The following NEDD4L variants were observed in gnomAD, a reference collection of about 807,000 sequenced individuals.
NEDD4L encodes NEDD4 like E3 ubiquitin protein ligase, also known as E3 ubiquitin-protein ligase NEDD4-like.
A neutral mutation model predicts 148.9 loss-of-function variants in NEDD4L; 54 were observed. That is an observed-to-expected ratio of 0.36 (90% CI 0.29 to 0.45). The LOEUF (loss-of-function observed/expected upper bound fraction) is 0.45. Among genes scored for constraint, NEDD4L ranks in the 20% least tolerant of loss-of-function variants. The probability of loss-of-function intolerance (pLI) is 1.00; values close to 1 mark genes in which losing one functional copy is unlikely to be tolerated. For missense variants in NEDD4L, 856 were observed against 1,233.8 expected (o/e 0.69, Z 4.59); for synonymous variants, 433 against 440.7 (o/e 0.98, Z 0.22).
intron 1 of NEDD4L, chr18:58,045,824 T>C (rs1010870605): frequency 4.6e-5 from 7 of 152,252 alleles, no homozygotes; most frequent in African/African-American, 1.7e-4. Flanking sequence ...TCATGAAAAG[T>C]TGATGCCTGG....
chr18:58,258,242 T>C (rs2048861976), intron 5 of NEDD4L, among the ~76,000 whole-genome samples: 1 of 152,232 alleles, frequency 6.6e-6, no homozygotes, highest in South Asian at 2.1e-4. Flanking sequence ...AGTGTTTTGA[T>C]ATTATAGTAG....
intron 2 of NEDD4L, among the ~76,000 whole-genome samples, chr18:58,179,588 T>C (rs555775390): frequency 6.6e-6 from 1 of 152,242 alleles, no homozygotes; most frequent in Non-Finnish European, 1.5e-5. Context: ...ATCATTCGCA[T>C]TGCTGCCTGA....
In NEDD4L at chr18:58,108,050, A is replaced by G. The variant is rs573064662; in HGVS notation, c.49-57738A>G. ...GGACTTTTTGTGCGGTGAGAGGAGG[A>G]TCCTCAGAATACGGAGATCTGGGGT... On this transcript the variant is annotated intron_variant, in intron 1 of 30. Coordinates refer to ENST00000400345, the MANE Select transcript of NEDD4L (RefSeq NM_001144967.3). Among the ~76,000 whole-genome samples, 56 of 152,272 alleles carry G rather than the reference A, an allele frequency of 3.7e-4. No individual in the cohort carries two copies. In the South Asian group the frequency reaches 5.0e-3, roughly 14 times the overall value.
intron 2 of NEDD4L, among the ~76,000 whole-genome samples, chr18:58,232,218 G>T (rs138051999): frequency 5.9e-5 from 9 of 152,298 alleles, no homozygotes; most frequent in Middle Eastern, 3.4e-3. Context: ...TACAGAGCTT[G>T]CTCTGCACTC....
intron 5 of NEDD4L, chr18:58,255,959 T>A: frequency 8.1e-7 from 1 of 1,230,626 alleles, no homozygotes; most frequent in Non-Finnish European, 1.0e-6. Flanking sequence ...CACGGACGGG[T>A]GCGGGCCGCC....
chr18:58,075,729 C>T (rs2083122174), intron 1 of NEDD4L, among the ~76,000 whole-genome samples: 2 of 152,088 alleles, frequency 1.3e-5, no homozygotes, highest in African/African-American at 4.8e-5. Context: ...AGTTCGAGAC[C>T]AGCCTGGGCT....
At chr18:58,064,334 A>G (rs896174094) in intron 1 of NEDD4L, among the ~76,000 whole-genome samples, 47 of 152,372 alleles carry the variant, frequency 3.1e-4, no homozygotes, top group African/African-American at 1.1e-3. Context: ...CACCATAGCC[A>G]TCACTATAAC....
chr18:58,305,226 GT>G (rs2056928477), intron 5 of NEDD4L, among the ~76,000 whole-genome samples: 1 of 152,216 alleles, frequency 6.6e-6, no homozygotes, highest in East Asian at 1.9e-4. Context: ...TTTAGTATCA[GT>G]TTGCTGATCA....
At chr18:58,367,233 A>G (rs1320227144) in intron 21 of NEDD4L, 1 of 152,572 alleles carries the variant, frequency 6.6e-6, no homozygotes, top group Non-Finnish European at 1.5e-5. Flanking sequence ...GCAGGTTTGC[A>G]TCATTGAGAG....
chr18:58,325,502 T>C (rs1380448537), intron 9 of NEDD4L, among the ~76,000 whole-genome samples: 1 of 152,226 alleles, frequency 6.6e-6, no homozygotes, highest in East Asian at 1.9e-4. Flanking sequence ...TCTTCACCTT[T>C]CTCTCCCAAC....
rs370879103 is a variant in NEDD4L at position 58,103,356 on chromosome 18, T to C, written c.48+58648T>C. The stretch of plus-strand genomic sequence containing the variant: ...TGATATGCATGAGTTGCAATTACCA[T>C]GATTTAAATAATACCAGTTCCCCAA... On this transcript the variant is annotated intron_variant, in intron 1 of 30. Transcript: ENST00000400345. Among the ~76,000 whole-genome samples, 5 of 151,402 alleles carry C rather than the reference T, an allele frequency of 3.3e-5. No individual in the cohort carries two copies. The East Asian group carries it at 9.6e-4, about 29-fold the overall frequency.
Position 58,130,632 on chromosome 18 carries a change from T to G in NEDD4L, c.49-35156T>G, listed in dbSNP as rs544775752. Among the ~76,000 whole-genome samples the G allele has an allele frequency of 1.1e-3, 155 of 144,768 alleles. 11 individuals carry two copies. The highest frequency in any genetic ancestry group is 2.0e-3 in the Non-Finnish European group (131 of 66,178). The allele number at this position is 144,768 out of a possible 152,430, so 95.0% of individuals were successfully genotyped here. On this transcript the variant is annotated intron_variant, in intron 1 of 30. Coordinates refer to ENST00000400345, the MANE Select transcript of NEDD4L (RefSeq NM_001144967.3). ...TGATCTAGCAGAACTGTGGCGGTGT[T>G]GGGCTCTGTTGGGGTTTGGTTGACT...
intron 2 of NEDD4L, chr18:58,189,889 T>C (rs968511872): frequency 6.6e-6 from 1 of 152,194 alleles, no homozygotes; most frequent in African/African-American, 2.4e-5. Context: ...CTATTTCATA[T>C]CTTTATTGAA....
In NEDD4L at chr18:58,190,240, A is replaced by G. The variant is rs530832545; in HGVS notation, c.122+24379A>G. 2.0e-5 allele frequency among the ~76,000 whole-genome samples: 3 copies of G among 152,354 alleles called. No individual in the cohort carries two copies. In the South Asian group the frequency reaches 6.2e-4, roughly 32 times the overall value. ...AACTCTCCTAAGGAAGTATGAAGTTATATTTTATCCTTATCTATCCAAAGA... is the reference window on the plus strand; with the variant it reads ...AACTCTCCTAAGGAAGTATGAAGTTGTATTTTATCCTTATCTATCCAAAGA... On this transcript the variant is annotated intron_variant, in intron 2 of 30. Coordinates refer to ENST00000400345, the MANE Select transcript of NEDD4L (RefSeq NM_001144967.3).
chr18:58,199,699 T>G (rs2041181371), intron 2 of NEDD4L, among the ~76,000 whole-genome samples: 1 of 152,260 alleles, frequency 6.6e-6, no homozygotes, highest in Non-Finnish European at 1.5e-5. Flanking sequence ...TCTGCATTTT[T>G]CTTTAGCTAA....
intron 2 of NEDD4L, among the ~76,000 whole-genome samples, chr18:58,214,801 T>TTC (rs138774457): frequency 1.1e-4 from 2 of 17,480 alleles, no homozygotes; most frequent in Admixed American, 4.8e-4. Flanking sequence ...CTTTCTTTCA[T>TTC]TTTTTTTTTT....
Position 58,256,921 on chromosome 18 carries a change from C to T in NEDD4L, c.297+4867C>T, listed in dbSNP as rs1452520480. 3 of 712,420 alleles carry T rather than the reference C, an allele frequency of 4.2e-6. No homozygotes were observed. The highest frequency in any genetic ancestry group is 3.4e-5 in the East Asian group (1 of 29,352). 44.1% of individuals were successfully genotyped at this position (712,420 alleles called of 1,614,324 possible). On this transcript the variant is annotated intron_variant, in intron 5 of 30. Coordinates refer to ENST00000400345, the MANE Select transcript of NEDD4L (RefSeq NM_001144967.3). The surrounding 1 kb of genome is among the most constrained non-coding windows in gnomAD (Gnocchi z 5.2). ...CTGAATGTTTGGCCGAGTTCTGGCA[C>T]GATGATTTGTGGTCCAGTGTTTGGT...
In NEDD4L at chr18:58,125,706, A is replaced by G. The variant is rs59042222; in HGVS notation, c.49-40082A>G. Among the ~76,000 whole-genome samples the G allele has an allele frequency of 1.7e-3, 261 of 152,356 alleles. 2 individuals carry two copies. The highest frequency in any genetic ancestry group is 6.1e-3 in the African/African-American group (253 of 41,578). ...GTACGGTAACTTTTCTAGTAGTCAC[A>G]TTAAAAAGAAAACAGGTGAAATGAA... On this transcript the variant is annotated intron_variant, in intron 1 of 30. Coordinates refer to ENST00000400345, the MANE Select transcript of NEDD4L (RefSeq NM_001144967.3).
At chr18:58,207,742 T>C (rs1471242700) in intron 2 of NEDD4L, among the ~76,000 whole-genome samples, 1 of 152,190 alleles carries the variant, frequency 6.6e-6, no homozygotes, top group Non-Finnish European at 1.5e-5. Context: ...TTGACCAGGA[T>C]CTGAGGTTGC....
Sources: allele counts gnomAD v4.1 joint callset (sites outside exome capture counted in the v4.1 genomes callset), GRCh38; gene constraint gnomAD v4.1.1; non-coding constraint Gnocchi (gnomAD v3.1); transcripts MANE v1.5; gene names NCBI Gene and HGNC (gene_info 2026-07-23, HGNC 2026-07-21).